CAMK1D: variants seen among roughly 807,000 people sequenced by gnomAD.
The protein encoded by CAMK1D is calcium/calmodulin-dependent protein kinase type 1D.
CAMK1D carries 9 observed loss-of-function variants against 47.7 expected under a neutral mutation model. The ratio of observed to expected loss-of-function variants is 0.19; its 90% CI spans 0.11 to 0.33. CAMK1D has a LOEUF of 0.33. CAMK1D is among the 10% of genes least tolerant of loss of function. The pLI is 1.00. For synonymous variants in CAMK1D, 184 were observed against 184.9 expected (o/e 0.99, Z 0.04); for missense variants, 291 against 488.7 (o/e 0.60, Z 3.81).
chr10:12,561,576 A>C (rs2648709), intron 2 of CAMK1D, among the ~76,000 whole-genome samples: 136,020 of 152,184 alleles, frequency 0.89, 61,161 homozygotes, highest in Non-Finnish European at 0.95. Context: ...AAGTCCGGAG[A>C]CTTCCCCTGC....
chr10:12,363,623 G>A (rs1050297371), intron 1 of CAMK1D, among the ~76,000 whole-genome samples: 5 of 150,940 alleles, frequency 3.3e-5, no homozygotes, highest in African/African-American at 1.2e-4. Context: ...TGACAAAAAA[G>A]GCTATATATG....
intron 2 of CAMK1D, among the ~76,000 whole-genome samples, chr10:12,575,142 T>C (rs1047519752): frequency 7.9e-5 from 12 of 152,102 alleles, no homozygotes; most frequent in Non-Finnish European, 2.9e-5. Context: ...GCCCAGGCTG[T>C]AGCGTAGTGG....
intron 4 of CAMK1D, 100 bp downstream of exon 4, chr10:12,761,186 G>A: frequency 2.2e-6 from 3 of 1,385,292 alleles, no homozygotes; most frequent in Non-Finnish European, 3.0e-6. Flanking sequence ...CTGCTCTGAT[G>A]TAGAGTGGGT....
At chr10:12,749,056 AGT>A (rs63280060) in intron 3 of CAMK1D, among the ~76,000 whole-genome samples, 32,011 of 152,078 alleles carry the variant, frequency 0.21, 3,429 homozygotes, top group East Asian at 0.3. Context: ...GACAATTGCA[AGT>A]GTAAAAGCGT....
At chr10:12,700,844 A>C (rs1833490428) in intron 3 of CAMK1D, among the ~76,000 whole-genome samples, 1 of 152,216 alleles carries the variant, frequency 6.6e-6, no homozygotes, top group Non-Finnish European at 1.5e-5. Flanking sequence ...GTTTCAAAGA[A>C]ATTTTAGCCA....
chr10:12,380,881 C>A (rs1203908968), intron 1 of CAMK1D, among the ~76,000 whole-genome samples: 2 of 152,038 alleles, frequency 1.3e-5, no homozygotes, highest in African/African-American at 4.8e-5. Flanking sequence ...AAAAAACAAA[C>A]CCCACGCATT....
chr10:12,648,760 C>T (rs1839879608), intron 2 of CAMK1D, among the ~76,000 whole-genome samples: 1 of 152,156 alleles, frequency 6.6e-6, no homozygotes. Context: ...TGTGAGCCAC[C>T]ACACCCGGTC....
At chr10:12,679,775 C>A (rs1840928955) in intron 3 of CAMK1D, among the ~76,000 whole-genome samples, 2 of 152,276 alleles carry the variant, frequency 1.3e-5, no homozygotes, top group South Asian at 4.2e-4. Flanking sequence ...CATAATCCGA[C>A]CCAGGCTTCT....
At chr10:12,599,085 G>T (rs986122174) in intron 2 of CAMK1D, among the ~76,000 whole-genome samples, 10 of 152,184 alleles carry the variant, frequency 6.6e-5, no homozygotes, top group South Asian at 4.1e-4. Flanking sequence ...TCTGGGAATT[G>T]TATGTTCATA....
intron 1 of CAMK1D, among the ~76,000 whole-genome samples, chr10:12,450,954 C>T (rs529454535): frequency 9.2e-4 from 140 of 152,302 alleles, no homozygotes; most frequent in African/African-American, 3.3e-3. Flanking sequence ...CTCATGCAGG[C>T]TCCCACTGTG....
intron 1 of CAMK1D, among the ~76,000 whole-genome samples, chr10:12,541,928 T>A (rs1202212553): frequency 6.8e-6 from 1 of 146,040 alleles, no homozygotes; most frequent in Non-Finnish European, 1.5e-5. Flanking sequence ...CTGGCTGGAG[T>A]GCAGCGGTGC....
At chr10:12,550,861 T>C (rs898370444) in intron 1 of CAMK1D, among the ~76,000 whole-genome samples, 3 of 152,272 alleles carry the variant, frequency 2.0e-5, no homozygotes, top group Non-Finnish European at 4.4e-5. Context: ...TGAGCATCCA[T>C]GTGCCAGTGG....
chr10:12,699,056 C>T (rs1588816036), intron 3 of CAMK1D, among the ~76,000 whole-genome samples: 1 of 151,986 alleles, frequency 6.6e-6, no homozygotes, highest in East Asian at 1.9e-4. Flanking sequence ...CTAATGATGT[C>T]CTACTGAAAT....
intron 1 of CAMK1D, among the ~76,000 whole-genome samples, chr10:12,362,819 T>A (rs923023179): frequency 6.6e-6 from 1 of 152,022 alleles, no homozygotes; most frequent in Non-Finnish European, 1.5e-5. Context: ...TGATTTTTTG[T>A]ATTTTTAGTA....
At chr10:12,740,491 G>A (rs1459652965) in intron 3 of CAMK1D, among the ~76,000 whole-genome samples, 4 of 152,168 alleles carry the variant, frequency 2.6e-5, no homozygotes, top group African/African-American at 7.2e-5. Flanking sequence ...CCAGCTACTC[G>A]GGAGGCTGAG....
At chr10:12,522,632 A>C (rs1835460474) in intron 1 of CAMK1D, among the ~76,000 whole-genome samples, 1 of 151,912 alleles carries the variant, frequency 6.6e-6, no homozygotes, top group East Asian at 1.9e-4. Context: ...CTGATTGCTC[A>C]ATATTTTCCC....
intron 1 of CAMK1D, among the ~76,000 whole-genome samples, chr10:12,532,711 G>A (rs1432908285): frequency 6.6e-6 from 1 of 152,126 alleles, no homozygotes. Flanking sequence ...TCAGTAGATG[G>A]ATGGATAACG....
chr10:12,408,555 A>G (rs1045322491), intron 1 of CAMK1D, among the ~76,000 whole-genome samples: 1 of 152,164 alleles, frequency 6.6e-6, no homozygotes, highest in African/African-American at 2.4e-5. Flanking sequence ...TTGGAACCAA[A>G]GGTGGGTGCA....
chr10:12,553,599 T>C (rs1043656044), intron 2 of CAMK1D, among the ~76,000 whole-genome samples: 1 of 152,230 alleles, frequency 6.6e-6, no homozygotes, highest in African/African-American at 2.4e-5. Flanking sequence ...GCAGACTTGC[T>C]TGTGAACCGA....
Sources: gnomAD v4.1 joint callset for allele counts (sites outside exome capture counted in the v4.1 genomes callset) on GRCh38, gnomAD v4.1.1 for gene constraint, MANE v1.5 for transcripts, NCBI Gene and HGNC (gene_info 2026-07-23, HGNC 2026-07-21) for gene names.